The following CTSO variants were observed in gnomAD, a reference collection of about 807,000 sequenced individuals.
CTSO encodes the protein cathepsin O.
Under a neutral mutation model 42.4 loss-of-function variants are expected in CTSO, and 40 were observed. That is an observed-to-expected ratio of 0.94 (90% CI 0.73 to 1.23). The LOEUF is 1.23. Among genes scored for constraint, CTSO ranks in the 50% most tolerant of loss-of-function variants. CTSO has a pLI of 0.00. For missense variants in CTSO, 441 were observed against 396.0 expected (o/e 1.11, Z -0.96); for synonymous variants, 156 against 146.2 (o/e 1.07, Z -0.48).
intron 5 of CTSO, among the ~76,000 whole-genome samples, chr4:155,936,695 C>T (rs879337568): frequency 6.6e-6 from 1 of 152,156 alleles, no homozygotes; most frequent in African/African-American, 2.4e-5. Context: ...CCAAAACTAT[C>T]CAAAGTTATC....
At chr4:155,938,625 C>T (rs897717729) in intron 4 of CTSO, among the ~76,000 whole-genome samples, 3 of 152,082 alleles carry the variant, frequency 2.0e-5, no homozygotes, top group Admixed American at 1.3e-4. Context: ...TTCATTTCTT[C>T]ATCTATAAAA....
intron 3 of CTSO, 47 bp downstream of exon 3, chr4:155,942,269 GC>G: frequency 7.5e-6 from 11 of 1,466,114 alleles, no homozygotes; most frequent in Non-Finnish European, 9.1e-6. Context: ...CCTCAAAGCT[GC>G]CTTTCAATGC....
At chr4:155,928,086 G>C (rs1207376417) in intron 7 of CTSO, among the ~76,000 whole-genome samples, 3 of 151,388 alleles carry the variant, frequency 2.0e-5, no homozygotes, top group Non-Finnish European at 4.4e-5. Context: ...AATTAACCTT[G>C]GTAAATTATT....
Position 155,943,165 on chromosome 4 carries a change from C to T in CTSO, c.235G>A (p.Glu79Lys). 1 of 1,603,310 alleles carries T rather than the reference C, an allele frequency of 6.2e-7. No individual in the cohort carries two copies. Among genetic ancestry groups the T allele is most frequent in the Non-Finnish European group, 8.5e-7 (1 of 1,171,350 alleles). The change falls in exon 2 of 8, where the codon GAG becomes AAG. Residue 79 changes from glutamate to lysine, a missense_variant. Coordinates refer to ENST00000433477, the MANE Select transcript of CTSO (RefSeq NM_001334.3). ...CAACATCGGACTATACCTTTAAACT[C>T]TTCAGGAAACAAATAGGAAAACTGA... ...INQFSYLFPE[E>K]FKAIYLRSKP...
At chr4:155,931,924 G>A (rs10020154) in intron 5 of CTSO, among the ~76,000 whole-genome samples, 22,046 of 151,404 alleles carry the variant, frequency 0.15, 2,525 homozygotes, top group African/African-American at 0.32. Flanking sequence ...ATCAAGATGC[G>A]GCGATGAAGG....
intron 5 of CTSO, among the ~76,000 whole-genome samples, chr4:155,930,425 C>A (rs1049450549): frequency 6.6e-6 from 1 of 152,188 alleles, no homozygotes; most frequent in Non-Finnish European, 1.5e-5. Flanking sequence ...ACTGTGAAGA[C>A]TGCAAAATAC....
chr4:155,949,691 G>T (rs1262194064), intron 1 of CTSO, among the ~76,000 whole-genome samples: 1 of 152,204 alleles, frequency 6.6e-6, no homozygotes, highest in Non-Finnish European at 1.5e-5. Context: ...TCTGGAAATT[G>T]CAGTAAAGCT....
intron 1 of CTSO, among the ~76,000 whole-genome samples, chr4:155,947,099 G>A (rs10006268): frequency 0.89 from 135,500 of 152,132 alleles, 61,874 homozygotes; most frequent in East Asian, 1. Context: ...TGACCTCGTG[G>A]TCTGCCCGCC....
intron 1 of CTSO, among the ~76,000 whole-genome samples, chr4:155,949,483 T>C (rs1435379203): frequency 6.6e-6 from 1 of 152,190 alleles, no homozygotes; most frequent in Non-Finnish European, 1.5e-5. Context: ...TGGGATAAGT[T>C]TTATATTGAA....
Position 155,925,724 on chromosome 4 carries a change from A to G in CTSO, c.*312T>C, listed in dbSNP as rs1743118188. On this transcript the variant is annotated 3_prime_UTR_variant, in exon 8 of 8. Transcript: ENST00000433477. ...ACAAACAAATAAATAATAAGCAAACAAAAACAAACAGTAGCCTTCCCCAGT... is the reference window on the plus strand; with the variant it reads ...ACAAACAAATAAATAATAAGCAAACGAAAACAAACAGTAGCCTTCCCCAGT... 1 of 334,352 alleles carries G rather than the reference A, an allele frequency of 3.0e-6. No homozygotes were observed. The highest frequency in any genetic ancestry group is 5.3e-6 in the Non-Finnish European group (1 of 187,880). The allele number at this position is 334,352 out of a possible 1,614,324, so 20.7% of individuals were successfully genotyped here.
intron 2 of CTSO, 79 bp downstream of exon 2, chr4:155,943,077 T>C (rs1359922965): frequency 2.3e-6 from 2 of 855,616 alleles, no homozygotes; most frequent in Admixed American, 2.2e-5. Context: ...TATATTAGAT[T>C]TACAATGAAA....
rs1218307170 is a variant in CTSO at position 155,939,541 on chromosome 4, GTTT to G, written c.385-6_385-4del. 6.3e-7 allele frequency: 1 copy of G among 1,598,570 alleles called. No individual in the cohort carries two copies. Among genetic ancestry groups the G allele is most frequent in the African/African-American group, 1.3e-5 (1 of 74,468 alleles). ...CTGAAGGCCCAGCATCCTCCACACTGTTTAAAAACAGAAAAAGGGGTGGTATTT... is the reference window on the plus strand; with the variant it reads ...CTGAAGGCCCAGCATCCTCCACACTGAAAAACAGAAAAAGGGGTGGTATTT... On this transcript the variant is annotated splice_polypyrimidine_tract_variant and splice_region_variant and intron_variant, in intron 3 of 7. Transcript: ENST00000433477.
At chr4:155,931,210 A>G (rs1374920607) in intron 5 of CTSO, among the ~76,000 whole-genome samples, 1 of 152,172 alleles carries the variant, frequency 6.6e-6, no homozygotes, top group Non-Finnish European at 1.5e-5. Flanking sequence ...ATCTTATTGT[A>G]TCAAAATTCT....
intron 2 of CTSO, 132 bp downstream of exon 2, chr4:155,943,024 C>A: frequency 1.6e-6 from 1 of 622,206 alleles, no homozygotes. Context: ...TGGTACATGC[C>A]TGACATTTAG....
chr4:155,933,383 C>T (rs980636469), intron 5 of CTSO, among the ~76,000 whole-genome samples: 1 of 152,110 alleles, frequency 6.6e-6, no homozygotes, highest in Non-Finnish European at 1.5e-5. Context: ...CCAATTAAAC[C>T]TTTCTCTTCC....
chr4:155,939,596 T>A, intron 3 of CTSO, 58 bp from the exon 4 acceptor site: 1 of 1,427,440 alleles, frequency 7.0e-7, no homozygotes, highest in Non-Finnish European at 9.5e-7. Flanking sequence ...CTTACCAACA[T>A]CTCTAAATGT....
intron 2 of CTSO, 68 bp downstream of exon 2, chr4:155,943,088 T>C: frequency 1.1e-5 from 10 of 909,558 alleles, no homozygotes; most frequent in African/African-American, 1.7e-5. Flanking sequence ...TACAATGAAA[T>C]ATTTATCAAA....
At chr4:155,939,678 T>C (rs1579344546) in intron 3 of CTSO, 140 bp from the exon 4 acceptor site, 3 of 633,444 alleles carry the variant, frequency 4.7e-6, no homozygotes, top group Admixed American at 3.3e-5. Flanking sequence ...ATCCTCTAGA[T>C]TTTTAAACTG....
intron 1 of CTSO, among the ~76,000 whole-genome samples, chr4:155,951,789 C>T (rs1211081227): frequency 6.6e-6 from 1 of 152,274 alleles, no homozygotes; most frequent in Middle Eastern, 3.4e-3. Flanking sequence ...ACCTTTCCCA[C>T]TGTCCAGCTC....
Sources: gnomAD v4.1 joint callset for allele counts (sites outside exome capture counted in the v4.1 genomes callset) on GRCh38, gnomAD v4.1.1 for gene constraint, MANE v1.5 for transcripts, NCBI Gene and HGNC (gene_info 2026-07-23, HGNC 2026-07-21) for gene names.